Variants in SNX30 observed in about 807,000 individuals in gnomAD.
SNX30 encodes the protein sorting nexin-30.
SNX30 carries 24 observed loss-of-function variants against 46.4 expected under a neutral mutation model. That is an observed-to-expected ratio of 0.52 (90% CI 0.37 to 0.73). The LOEUF (loss-of-function observed/expected upper bound fraction) is 0.73. SNX30 is among the 30% of genes least tolerant of loss of function. The pLI is 0.00. For missense variants in SNX30, 533 were observed against 555.7 expected, an observed-to-expected ratio of 0.96 and a Z score of 0.41; for synonymous variants, 189 against 211.5, an observed-to-expected ratio of 0.89 and a Z score of 0.92.
intron 1 of SNX30, among the ~76,000 whole-genome samples, chr9:112,788,499 C>G (rs1262466252): frequency 6.6e-6 from 1 of 152,146 alleles, no homozygotes; most frequent in Non-Finnish European, 1.5e-5. Context: ...ATGAAGGGGT[C>G]GTTCTAGGCA....
At chr9:112,756,975 C>A (rs1220340378) in intron 1 of SNX30, among the ~76,000 whole-genome samples, 1 of 152,150 alleles carries the variant, frequency 6.6e-6, no homozygotes, top group Non-Finnish European at 1.5e-5. Context: ...TCATAGTTAA[C>A]TCATTTTGTT....
intron 5 of SNX30, among the ~76,000 whole-genome samples, chr9:112,837,148 A>C (rs1233060158): frequency 6.6e-6 from 1 of 152,210 alleles, no homozygotes; most frequent in Non-Finnish European, 1.5e-5. Context: ...TGTTGCAACA[A>C]TGGCAAGACT....
Position 112,804,761 on chromosome 9 carries a change from C to T in SNX30, c.157-15C>T, listed in dbSNP as rs1354889965. On this transcript the variant is annotated splice_polypyrimidine_tract_variant and intron_variant, in intron 1 of 8. Coordinates refer to ENST00000374232, the MANE Select transcript of SNX30 (RefSeq NM_001012994.2). ...TGTTTTCATTTAATTTTAAGGTGCT[C>T]TTTTCTTCTTTTAGGATCTCATTTT... 3.1e-6 allele frequency: 5 copies of T among 1,590,532 alleles called. No individual in the cohort carries two copies. In the Admixed American group the frequency reaches 7.0e-5, roughly 22 times the overall value.
intron 1 of SNX30, among the ~76,000 whole-genome samples, chr9:112,774,800 G>A (rs948743076): frequency 3.5e-5 from 5 of 142,884 alleles, no homozygotes; most frequent in African/African-American, 1.3e-4. Flanking sequence ...GGTTGTTTTT[G>A]TTACTCAGTT....
At chr9:112,765,834 C>T (rs1169959278) in intron 1 of SNX30, among the ~76,000 whole-genome samples, 1 of 152,138 alleles carries the variant, frequency 6.6e-6, no homozygotes, top group African/African-American at 2.4e-5. Flanking sequence ...GATGGAGTCT[C>T]ACTCTGTTGC....
chr9:112,779,782 A>G (rs977963781), intron 1 of SNX30, among the ~76,000 whole-genome samples: 4 of 152,172 alleles, frequency 2.6e-5, no homozygotes, highest in Non-Finnish European at 5.9e-5. Context: ...GAGCTACTCC[A>G]TGCAGGGCGC....
At chr9:112,794,756 A>G (rs1156944535) in intron 1 of SNX30, among the ~76,000 whole-genome samples, 3 of 152,230 alleles carry the variant, frequency 2.0e-5, no homozygotes, top group African/African-American at 4.8e-5. Flanking sequence ...CCAGTGATTT[A>G]TGTTAATTTA....
At chr9:112,757,686 G>A (rs1019485841) in intron 1 of SNX30, among the ~76,000 whole-genome samples, 1 of 152,108 alleles carries the variant, frequency 6.6e-6, no homozygotes. Flanking sequence ...TGGCTTTCCA[G>A]GTCTCTGAGT....
intron 5 of SNX30, among the ~76,000 whole-genome samples, chr9:112,837,902 T>C (rs1299348179): frequency 1.4e-5 from 2 of 145,398 alleles, no homozygotes; most frequent in Non-Finnish European, 3.0e-5. Flanking sequence ...TTTTTTTTTT[T>C]TTTTTTTTGA....
At position 112,807,104 on chromosome 9, in the gene SNX30, G is replaced by A. The variant is rs186219477; in HGVS notation, c.348+2137G>A. Among the ~76,000 whole-genome samples the A allele has an allele frequency of 2.6e-4, 34 of 129,990 alleles. No homozygotes were observed. In the Admixed American group the frequency reaches 2.7e-3, roughly 10 times the overall value. The allele number at this position is 129,990 out of a possible 152,430, so 85.3% of individuals were successfully genotyped here. ...TTTTGAGACAGAGTCTCCCTCTGTC[G>A]CCCAGGATGGAGTGTAGTGGCGTGA... On this transcript the variant is annotated intron_variant, in intron 2 of 8. Coordinates refer to ENST00000374232, the MANE Select transcript of SNX30 (RefSeq NM_001012994.2).
intron 4 of SNX30, among the ~76,000 whole-genome samples, chr9:112,832,846 A>AT (rs1840690235): frequency 6.8e-6 from 1 of 146,900 alleles, no homozygotes; most frequent in Admixed American, 6.9e-5. Flanking sequence ...ATATTAATAT[A>AT]TAATATATAA....
At chr9:112,759,825 C>T (rs575084804) in intron 1 of SNX30, among the ~76,000 whole-genome samples, 3 of 152,106 alleles carry the variant, frequency 2.0e-5, no homozygotes, top group South Asian at 2.1e-4. Flanking sequence ...AGTTGTTTAA[C>T]GTCTCTGAGC....
intron 1 of SNX30, among the ~76,000 whole-genome samples, chr9:112,765,815 T>A (rs1839527038): frequency 1.3e-5 from 2 of 152,226 alleles, no homozygotes; most frequent in African/African-American, 4.8e-5. Flanking sequence ...TTTCTTTTTT[T>A]CTTTTTGAGA....
intron 1 of SNX30, among the ~76,000 whole-genome samples, chr9:112,755,180 A>G (rs1839328672): frequency 6.6e-6 from 1 of 152,234 alleles, no homozygotes; most frequent in East Asian, 1.9e-4. Flanking sequence ...GGAAGGAGGA[A>G]AAAGGAGAAC....
chr9:112,829,010 A>G (rs1840619628), intron 3 of SNX30, among the ~76,000 whole-genome samples: 1 of 152,134 alleles, frequency 6.6e-6, no homozygotes, highest in African/African-American at 2.4e-5. Context: ...AATCATATAT[A>G]TGGACTTTTG....
chr9:112,857,202 C>A (rs1014425085), intron 7 of SNX30, among the ~76,000 whole-genome samples: 15 of 152,202 alleles, frequency 9.9e-5, no homozygotes, highest in African/African-American at 3.1e-4. Flanking sequence ...TGCTCCTCAT[C>A]TCATGCCCTC....
intron 1 of SNX30, among the ~76,000 whole-genome samples, chr9:112,756,223 AG>A (rs140135766): frequency 0.032 from 4,862 of 152,246 alleles, 130 homozygotes; most frequent in Non-Finnish European, 0.049. Flanking sequence ...TTAGACAAGC[AG>A]GAAACAAATA....
intron 8 of SNX30, among the ~76,000 whole-genome samples, chr9:112,864,898 G>A (rs770226782): frequency 1.6e-4 from 25 of 151,958 alleles, no homozygotes; most frequent in Non-Finnish European, 2.5e-4. Context: ...TAAAATAAAG[G>A]GATGTAGGAT....
chr9:112,762,714 G>A (rs758670396), intron 1 of SNX30, among the ~76,000 whole-genome samples: 1 of 152,202 alleles, frequency 6.6e-6, no homozygotes, highest in Non-Finnish European at 1.5e-5. Context: ...GCATTTAATC[G>A]CCCATAGTTC....
Sources: gnomAD v4.1 joint callset for allele counts (sites outside exome capture counted in the v4.1 genomes callset) on GRCh38, gnomAD v4.1.1 for gene constraint, MANE v1.5 for transcripts, NCBI Gene and HGNC (gene_info 2026-07-23, HGNC 2026-07-21) for gene names.